The following RDH13 variants were observed in gnomAD, a reference collection of about 807,000 sequenced individuals.
The protein encoded by RDH13 is retinol dehydrogenase 13, also known as retinol dehydrogenase 13 (all-trans and 9-cis).
A neutral mutation model predicts 28.3 loss-of-function variants in RDH13; 35 were observed. The observed-to-expected ratio is 1.24, with a 90% confidence interval of 0.95 to 1.64. The LOEUF is 1.64. RDH13 is among the 40% of genes most tolerant of loss of function. The pLI, the probability that RDH13 is intolerant of heterozygous loss-of-function variation, is 0.00. For synonymous variants in RDH13, 229 were observed against 198.5 expected (o/e 1.15, Z -1.29); for missense variants, 514 against 446.3 (o/e 1.15, Z -1.37).
In RDH13 at chr19:55,059,258, C is replaced by T; in HGVS notation, c.83G>A (p.Gly28Glu). The T allele has an allele frequency of 6.3e-7, 1 of 1,599,512 alleles. No individual in the cohort carries two copies. The highest frequency in any genetic ancestry group is 8.5e-7 in the Non-Finnish European group (1 of 1,173,240). ...GATGGTGGCCTTGCTGGGGCAAGCCCCACCGGTGACATAGTCCCTGAGGGT... is the reference window on the plus strand; with the variant it reads ...GATGGTGGCCTTGCTGGGGCAAGCCTCACCGGTGACATAGTCCCTGAGGGT... Reference protein sequence around the residue: ...AVLLKDYVTGGACPSKATIPG... With the variant: ...AVLLKDYVTGEACPSKATIPG... Residue 28 changes from glycine (G) to glutamate (E), a missense_variant, in exon 2 of 7, where the codon GGG becomes GAG. Physicochemically the swap from Gly to Glu is moderately conservative, Grantham distance 98. Transcript: ENST00000415061.
chr19:55,057,822 T>G (rs1320569969), intron 2 of RDH13, among the ~76,000 whole-genome samples: 2 of 151,108 alleles, frequency 1.3e-5, no homozygotes, highest in African/African-American at 4.9e-5. Flanking sequence ...TATTTTTTTT[T>G]TTTTGAGTCA....
In RDH13 at chr19:55,062,928, G is replaced by A. The variant is rs1448005277; in HGVS notation, c.65+40C>T. The A allele has an allele frequency of 2.8e-6, 4 of 1,410,588 alleles. No homozygotes were observed. The South Asian group carries it at 4.4e-5, about 16-fold the overall frequency. The allele number at this position is 1,410,588 out of a possible 1,614,324, so 87.4% of individuals were successfully genotyped here. A position where few individuals can be genotyped will look rare whatever the true frequency, so the allele number is the denominator to read the frequency against. Reference sequence around the variant, plus strand: ...CGCCTTCCCGGCCCCTGCGCTGGGGGCCCGCCTTGACCGCGCACGCGGGGC... The same window carrying A: ...CGCCTTCCCGGCCCCTGCGCTGGGGACCCGCCTTGACCGCGCACGCGGGGC... On this transcript the variant is annotated intron_variant, in intron 1 of 6. Transcript: ENST00000415061.
intron 1 of RDH13, among the ~76,000 whole-genome samples, chr19:55,069,140 G>A (rs563896551): frequency 3.4e-4 from 50 of 146,742 alleles, no homozygotes; most frequent in African/African-American, 1.2e-3. Flanking sequence ...TTCAGGAAAG[G>A]GCTGCACAAA....
At chr19:55,058,264 TGTAATCCCAGCTACTCGG>T (rs1027066393) in intron 2 of RDH13, among the ~76,000 whole-genome samples, 3 of 151,850 alleles carry the variant, frequency 2.0e-5, no homozygotes, top group Admixed American at 6.6e-5. Flanking sequence ...GTTGCATGCC[TGTAATCCCAGCTACTCGG>T]GTGGCTGAGG....
At chr19:55,057,464 A>C in intron 2 of RDH13, among the ~76,000 whole-genome samples, 4 of 138,558 alleles carry the variant, frequency 2.9e-5, no homozygotes, top group East Asian at 4.2e-4. Flanking sequence ...ATGGAGTCTC[A>C]CTCTGTCACC....
Position 55,048,316 on chromosome 19 carries a change from A to G in RDH13, c.658+13T>C, listed in dbSNP as rs2075306223. On this transcript the variant is annotated intron_variant, in intron 5 of 6. Coordinates refer to ENST00000415061, the MANE Select transcript of RDH13 (RefSeq NM_001145971.2). ...GTAAAGCAAGAGGGAGGCCGAGCCT[A>G]GCGCCCCCGTACCTTGCAGCCGCCG... The G allele has an allele frequency of 6.2e-7, 1 of 1,613,854 alleles. No homozygotes were observed. The highest frequency in any genetic ancestry group is 8.5e-7 in the Non-Finnish European group (1 of 1,180,016).
intron 3 of RDH13, chr19:55,050,940 C>G (rs546144512): frequency 6.6e-6 from 1 of 151,250 alleles, no homozygotes; most frequent in Admixed American, 6.6e-5. Flanking sequence ...AAGCCTGGCT[C>G]CACCCCGACC....
chr19:55,066,419 CCTCTCTCCCTCTCTGTCTTCTCTCCCT>C (rs1176564312), upstream of RDH13, among the ~76,000 whole-genome samples: 1 of 149,220 alleles, frequency 6.7e-6, no homozygotes, highest in East Asian at 2.0e-4. Flanking sequence ...CTTTTCTCTT[CCTCTCTCCCTCTCTGTCTTCTCTCCCT>C]CTCTCTCCCT....
At chr19:55,053,353 C>T (rs1602748913) in intron 3 of RDH13, among the ~76,000 whole-genome samples, 1 of 152,142 alleles carries the variant, frequency 6.6e-6, no homozygotes, top group Non-Finnish European at 1.5e-5. Context: ...ACAGACACAG[C>T]TTTACTTAAT....
intron 3 of RDH13, among the ~76,000 whole-genome samples, chr19:55,055,674 T>TAAAAACAAA (rs1450716195): frequency 6.7e-6 from 1 of 150,260 alleles, no homozygotes; most frequent in Admixed American, 6.6e-5. Flanking sequence ...ACCCCAGCTC[T>TAAAAACAAA]AAAAACAAAA....
chr19:55,054,585 C>CA lies in RDH13; in HGVS notation c.340+2067dup, dbSNP rs571294744. 1.3e-4 allele frequency among the ~76,000 whole-genome samples: 19 copies of CA among 151,512 alleles called. No homozygotes were observed. The South Asian group carries it at 2.3e-3, about 18-fold the overall frequency. ...TGGGTGACAGAGCAAGACTCCATCT[C>CA]AAAAAAAAGGTCTTGCTCTGTCATC... is the stretch of plus-strand genomic sequence containing the variant. On this transcript the variant is annotated intron_variant, in intron 3 of 6. Coordinates refer to ENST00000415061, the MANE Select transcript of RDH13 (RefSeq NM_001145971.2).
chr19:55,056,825 G>A lies in RDH13; in HGVS notation c.185-17C>T. 6.2e-7 allele frequency: 1 copy of A among 1,606,202 alleles called. No homozygotes were observed. Among genetic ancestry groups the A allele is most frequent in the Admixed American group, 1.7e-5 (1 of 59,022 alleles). On this transcript the variant is annotated splice_polypyrimidine_tract_variant and intron_variant, in intron 2 of 6. Transcript: ENST00000415061. ...TGTTGCCTCCTGAAAACCCAGGATG[G>A]AAAAAGATTTAAATTAATAATCCAC...
In RDH13 at chr19:55,048,476, T is replaced by G. The variant is rs779237746; in HGVS notation, c.511A>C (p.Asn171His). The part of the protein sequence containing the change: ...LKASAPSRII[N>H]LSSLAHVAGH... ...GCAACATGGGCCAGGGACGAGAGGT[T>G]GATGATCCGCGAAGGGGCTGAGGCT... Residue 171 changes from asparagine (N) to histidine (H), a missense_variant, in exon 5 of 7, where the codon AAC becomes CAC. Coordinates refer to ENST00000415061, the MANE Select transcript of RDH13 (RefSeq NM_001145971.2). 1.2e-6 allele frequency: 2 copies of G among 1,614,214 alleles called. No individual in the cohort carries two copies. The highest frequency in any genetic ancestry group is 1.7e-5 in the Admixed American group (1 of 60,008).
intron 2 of RDH13, among the ~76,000 whole-genome samples, chr19:55,057,030 A>G (rs912126000): frequency 3.9e-5 from 6 of 152,194 alleles, no homozygotes; most frequent in Non-Finnish European, 8.8e-5. Context: ...ACGGCCGTGA[A>G]AAGGAGTGAA....
chr19:55,046,533 G>A (rs989727001), intron 6 of RDH13: 2 of 151,998 alleles, frequency 1.3e-5, no homozygotes, highest in Admixed American at 1.3e-4. Flanking sequence ...AAAGTGCTGG[G>A]ATTACAGGCG....
chr19:55,047,815 C>G (rs2075288905), intron 5 of RDH13, among the ~76,000 whole-genome samples: 1 of 152,160 alleles, frequency 6.6e-6, no homozygotes, highest in Non-Finnish European at 1.5e-5. Flanking sequence ...ACCGCTGGTC[C>G]ACAGACCGTC....
At chr19:55,047,887 G>A in intron 5 of RDH13, 1 of 496,096 alleles carries the variant, frequency 2.0e-6, no homozygotes, top group Non-Finnish European at 3.5e-6. Flanking sequence ...CTGTGGGTTG[G>A]GAGGAGTGAG....
At chr19:55,050,339 A>T (rs987684433) in intron 3 of RDH13, among the ~76,000 whole-genome samples, 1 of 151,528 alleles carries the variant, frequency 6.6e-6, no homozygotes, top group Non-Finnish European at 1.5e-5. Context: ...CTAGTCTCAC[A>T]CTCCTGACCT....
intron 3 of RDH13, chr19:55,050,917 A>T (rs1307973225): frequency 6.6e-6 from 1 of 151,678 alleles, no homozygotes; most frequent in East Asian, 1.9e-4. Context: ...CTGGAGCAGG[A>T]CAGACAGGTT....
Sources: gnomAD v4.1 joint callset for allele counts (sites outside exome capture counted in the v4.1 genomes callset) on GRCh38, gnomAD v4.1.1 for gene constraint, MANE v1.5 for transcripts, NCBI Gene and HGNC (gene_info 2026-07-23, HGNC 2026-07-21) for gene names.